HPS4: variants seen among roughly 807,000 people sequenced by gnomAD.
HPS4 encodes HPS4 biogenesis of lysosomal organelles complex 3 subunit 2.
In HPS4, 44 loss-of-function variants were observed where a neutral mutation model predicts 70.3. The ratio of observed to expected loss-of-function variants is 0.63; its 90% confidence interval spans 0.49 to 0.80. The LOEUF (loss-of-function observed/expected upper bound fraction) is 0.80, where lower values mean the gene tolerates loss of function less well. Among genes scored for constraint, HPS4 ranks in the 30% least tolerant of loss-of-function variants. The probability of loss-of-function intolerance (pLI) is 0.00; values close to 1 mark genes in which losing one functional copy is unlikely to be tolerated. For missense variants in HPS4, 873 were observed against 884.4 expected (o/e 0.99, Z 0.16); for synonymous variants, 377 against 355.9 (o/e 1.06, Z -0.67).
chr22:26,449,572 C>A (rs1025775638), downstream of HPS4, among the ~76,000 whole-genome samples: 5 of 152,104 alleles, frequency 3.3e-5, no homozygotes, highest in East Asian at 9.6e-4. Context: ...CTCAAGTGAT[C>A]CACCCGCCTC....
intron 9 of HPS4, 122 bp from the exon 10 acceptor site, chr22:26,465,673 G>C (rs1302365157): frequency 5.2e-6 from 4 of 772,954 alleles, no homozygotes; most frequent in Non-Finnish European, 8.7e-6. Flanking sequence ...TGCTGTGAGT[G>C]CATTCCTCAG....
At chr22:26,461,640 G>C (rs1270645997) in intron 11 of HPS4, among the ~76,000 whole-genome samples, 7 of 152,166 alleles carry the variant, frequency 4.6e-5, no homozygotes, top group African/African-American at 1.4e-4. Flanking sequence ...ACCGTAACTG[G>C]GGGTATTTGG....
chr22:26,466,290 C>T (rs781020368), intron 8 of HPS4, 28 bp from the exon 9 acceptor site: 64 of 1,612,982 alleles, frequency 4.0e-5, no homozygotes, highest in Admixed American at 1.5e-4. Context: ...CAGAAGTTGG[C>T]GCTGGGCACC....
At chr22:26,483,806 G>C, upstream of HPS4, 2 of 1,121,232 alleles carry the variant, frequency 1.8e-6, no homozygotes, top group South Asian at 5.2e-5. Flanking sequence ...GCGCCGCCCC[G>C]CCTACCTCCC....
chr22:26,443,690 C>T (rs1338128667), downstream of HPS4: 5 of 152,414 alleles, frequency 3.3e-5, no homozygotes, highest in Non-Finnish European at 7.3e-5. Context: ...TGCTGGCACA[C>T]TGGGGACCCT....
In HPS4 at chr22:26,483,768, C is replaced by A; in HGVS notation, c.-573G>T. ...ACCTGCGACTTCTGCCCCGTACCTGCGCGCGCGGCAGAGAGGCCTTAGGTC... is the reference window on the plus strand; with the variant it reads ...ACCTGCGACTTCTGCCCCGTACCTGAGCGCGCGGCAGAGAGGCCTTAGGTC... On this transcript the variant is annotated 5_prime_UTR_variant, in exon 1 of 14. Coordinates refer to ENST00000398145, the MANE Select transcript of HPS4 (RefSeq NM_022081.6). 3.2e-6 allele frequency: 2 copies of A among 633,156 alleles called. No homozygotes were observed. The highest frequency in any genetic ancestry group is 4.6e-6 in the Non-Finnish European group (2 of 431,760). 39.2% of individuals were successfully genotyped at this position (633,156 alleles called of 1,614,324 possible).
intron 2 of HPS4, among the ~76,000 whole-genome samples, chr22:26,479,950 C>G (rs2091098971): frequency 6.6e-6 from 1 of 152,208 alleles, no homozygotes; most frequent in Non-Finnish European, 1.5e-5. Flanking sequence ...GAACTCCTCT[C>G]TACCATGCCA....
chr22:26,480,411 T>C (rs997290444), intron 2 of HPS4, among the ~76,000 whole-genome samples: 1 of 150,618 alleles, frequency 6.6e-6, no homozygotes, highest in Non-Finnish European at 1.5e-5. Flanking sequence ...TGGACTCAAA[T>C]AATCCTGCCC....
chr22:26,466,396 G>A (rs976903530), intron 8 of HPS4, 134 bp from the exon 9 acceptor site: 4 of 942,736 alleles, frequency 4.2e-6, no homozygotes, highest in South Asian at 2.8e-5. Context: ...CACATGCTAA[G>A]AGCCAAGCAG....
chr22:26,481,239 T>A (rs1282668254), intron 2 of HPS4, among the ~76,000 whole-genome samples: 1 of 152,168 alleles, frequency 6.6e-6, no homozygotes, highest in East Asian at 1.9e-4. Flanking sequence ...GCTTTTCACC[T>A]TCATCTCCTC....
At position 26,464,334 on chromosome 22, in the gene HPS4, C is replaced by T. The variant is rs755952793; in HGVS notation, c.1296G>A (p.Glu432=). The T allele has an allele frequency of 6.2e-7, 1 of 1,614,016 alleles. No homozygotes were observed. The highest frequency in any genetic ancestry group is 1.3e-5 in the African/African-American group (1 of 74,926). The part of the protein sequence containing the change: ...ISSLRPPSAP[E]MLTQHGAQEQ... ...CTTGGGCTCCATGCTGGGTCAGCAT[C>T]TCAGGAGCAGAGGGAGGGCGCAAGC... The change falls in exon 11 of 14, where the codon GAG becomes GAA. Residue 432 remains glutamate (E), a synonymous_variant. Transcript: ENST00000398145.
At chr22:26,477,206 T>C (rs2090671979) in intron 3 of HPS4, 70 bp from the exon 4 acceptor site, 2 of 1,555,578 alleles carry the variant, frequency 1.3e-6, no homozygotes, top group Non-Finnish European at 1.8e-6. Context: ...TCTTACAGCA[T>C]ACTAAAGCCT....
At chr22:26,459,038 G>T (rs1003868277) in intron 11 of HPS4, among the ~76,000 whole-genome samples, 1 of 152,194 alleles carries the variant, frequency 6.6e-6, no homozygotes, top group African/African-American at 2.4e-5. Context: ...CCACTGTGGT[G>T]TATCTTATTT....
At chr22:26,483,852 C>T (rs868514179), upstream of HPS4, 7 of 1,318,730 alleles carry the variant, frequency 5.3e-6, no homozygotes, top group Non-Finnish European at 6.7e-6. Flanking sequence ...GCGGCGATGA[C>T]GTGCCGAGTG....
chr22:26,475,177 G>T (rs1319306541), intron 4 of HPS4, among the ~76,000 whole-genome samples: 1 of 152,080 alleles, frequency 6.6e-6, no homozygotes, highest in South Asian at 2.1e-4. Context: ...ACACAGTTCA[G>T]ATGTCCATCA....
intron 13 of HPS4, among the ~76,000 whole-genome samples, chr22:26,457,617 T>C (rs556361799): frequency 3.3e-5 from 5 of 152,332 alleles, no homozygotes; most frequent in African/African-American, 1.2e-4. Context: ...GGTGAGGACC[T>C]CAGGTTCCTT....
Position 26,476,987 on chromosome 22 carries a change from A to T in HPS4, c.276+6T>A. 1 of 1,614,100 alleles carries T rather than the reference A, an allele frequency of 6.2e-7. No homozygotes were observed. ...ACTTCAGCACTGATTCTGCCATTCA[A>T]CTTACCCAAAGGTAATCTCCATCAA... is the stretch of plus-strand genomic sequence containing the variant. On this transcript the variant is annotated splice_donor_region_variant and intron_variant, in intron 4 of 13. Coordinates refer to ENST00000398145, the MANE Select transcript of HPS4 (RefSeq NM_022081.6).
downstream of HPS4, among the ~76,000 whole-genome samples, chr22:26,450,466 G>A (rs1025995103): frequency 2.6e-5 from 4 of 152,216 alleles, no homozygotes; most frequent in African/African-American, 7.2e-5. Flanking sequence ...ACCCTCTGTC[G>A]GTTGAAGTGA....
At chr22:26,470,901 TG>T (rs1374908086) in intron 6 of HPS4, 88 bp from the exon 7 acceptor site, 1 of 1,575,198 alleles carries the variant, frequency 6.3e-7, no homozygotes, top group South Asian at 1.2e-5. Context: ...ACAGAACAGC[TG>T]GACAGGGTGT....
Sources: allele counts gnomAD v4.1 joint callset (sites outside exome capture counted in the v4.1 genomes callset), GRCh38; gene constraint gnomAD v4.1.1; transcripts MANE v1.5; gene names NCBI Gene and HGNC (gene_info 2026-07-23, HGNC 2026-07-21).